The following GLI2 variants were observed in gnomAD, a reference collection of about 807,000 sequenced individuals.
GLI2 encodes GLI family zinc finger 2, also known as transcription activator GLI2.
GLI2 carries 22 observed loss-of-function variants against 78.9 expected under a neutral mutation model. The observed-to-expected ratio is 0.28, with a 90% confidence interval of 0.20 to 0.40. The LOEUF (loss-of-function observed/expected upper bound fraction) is 0.40, where lower values mean the gene tolerates loss of function less well. Ranked by LOEUF, GLI2 falls within the 10% of genes least tolerant of loss-of-function variation. GLI2 has a pLI of 1.00. For synonymous variants in GLI2, 974 were observed against 963.7 expected (o/e 1.01, Z -0.20); for missense variants, 2,097 against 2,213.2 (o/e 0.95, Z 1.05).
At chr2:120,741,885 C>CGAGTCGGGAAGCA (rs1328022722) in intron 1 of GLI2, among the ~76,000 whole-genome samples, 10 of 152,270 alleles carry the variant, frequency 6.6e-5, no homozygotes, top group African/African-American at 2.2e-4. Flanking sequence ...CTGCTCGTGG[C>CGAGTCGGGAAGCA]GAGTCGGGAA....
chr2:120,788,136 G>A (rs1390159072), intron 1 of GLI2, among the ~76,000 whole-genome samples: 1 of 152,226 alleles, frequency 6.6e-6, no homozygotes, highest in Non-Finnish European at 1.5e-5. Context: ...TGAGGCTTAG[G>A]GAGAAGTTGA....
chr2:120,736,301 CCTT>C lies in GLI2; in HGVS notation c.-31+20_-31+22del, dbSNP rs970525841. 2 of 151,990 alleles carry C rather than the reference CCTT, an allele frequency of 1.3e-5. No homozygotes were observed. Among genetic ancestry groups the C allele is most frequent in the African/African-American group, 4.8e-5 (2 of 41,380 alleles). The allele number at this position is 151,990 out of a possible 1,614,324, so 9.4% of individuals were successfully genotyped here. On this transcript the variant is annotated intron_variant, in intron 1 of 13. Coordinates refer to ENST00000361492, the MANE Select transcript of GLI2 (RefSeq NM_001374353.1). ...GTCTCTCTCGGTAAAGTTGCATTGG[CCTT>C]CTTTTGCTTGCTTTTCGTGACGAAG...
chr2:120,908,912 G>C (rs957824544), intron 2 of GLI2, among the ~76,000 whole-genome samples: 1 of 152,132 alleles, frequency 6.6e-6, no homozygotes, highest in African/African-American at 2.4e-5. Flanking sequence ...TCAGATGCAG[G>C]CTGAGAAGGC....
At chr2:120,891,903 G>A (rs984988530) in intron 2 of GLI2, among the ~76,000 whole-genome samples, 17 of 152,106 alleles carry the variant, frequency 1.1e-4, no homozygotes, top group Admixed American at 8.5e-4. Flanking sequence ...CTGGACCAGC[G>A]ACCCCTCTTT....
Position 120,986,434 on chromosome 2 carries a change from G to A in GLI2, c.2062G>A (p.Asp688Asn), listed in dbSNP as rs751513015. ...ACTGGATGACACACCCCCAGGGGCC[G>A]ACACCTCAGCCCTGGCTGCCCCCTC... The part of the protein sequence containing the change: ...TALDDTPPGA[D>N]TSALAAPSAG... Residue 688 changes from aspartate (D) to asparagine (N), a missense_variant, in exon 13 of 14, where the codon GAC (aspartate) becomes AAC (asparagine). Transcript: ENST00000361492. 21 of 1,613,760 alleles carry A rather than the reference G, an allele frequency of 1.3e-5. No individual in the cohort carries two copies. The highest frequency in any genetic ancestry group is 1.6e-4 in the Middle Eastern group (1 of 6,082).
chr2:120,807,645 T>C lies in GLI2; in HGVS notation c.148+10177T>C, dbSNP rs2104718391. Among the ~76,000 whole-genome samples, 2 of 152,240 alleles carry C rather than the reference T, an allele frequency of 1.3e-5. 1 individual carries two copies. The highest frequency in any genetic ancestry group is 4.2e-4 in the South Asian group (2 of 4,816). ...CTGAGAATGGCTGGAGAGGCTGAGC[T>C]GAGCGGGAAGCACTGGCAAATGAGG... On this transcript the variant is annotated intron_variant, in intron 2 of 13. Transcript: ENST00000361492.
chr2:120,961,190 T>C (rs1681537330), intron 5 of GLI2, among the ~76,000 whole-genome samples: 2 of 152,248 alleles, frequency 1.3e-5, no homozygotes, highest in African/African-American at 4.8e-5. Flanking sequence ...ATGCATTTTA[T>C]TGTCATATTG....
At chr2:120,845,370 A>C (rs925721366) in intron 2 of GLI2, among the ~76,000 whole-genome samples, 1 of 152,216 alleles carries the variant, frequency 6.6e-6, no homozygotes, top group Non-Finnish European at 1.5e-5. Flanking sequence ...TGGTTGTTCC[A>C]AGGGAAGACA....
At chr2:120,918,553 G>A (rs1287060971) in intron 2 of GLI2, among the ~76,000 whole-genome samples, 1 of 149,266 alleles carries the variant, frequency 6.7e-6, no homozygotes. Context: ...TTATTCTCCT[G>A]CCTCAGCCTC....
Position 120,892,623 on chromosome 2 carries a change from G to A in GLI2, c.149-34738G>A, listed in dbSNP as rs143761476. 3.4e-3 allele frequency among the ~76,000 whole-genome samples: 519 copies of A among 152,302 alleles called. 2 individuals are homozygous for A. Among genetic ancestry groups the A allele is most frequent in the African/African-American group, 0.012 (491 of 41,570 alleles). On this transcript the variant is annotated intron_variant, in intron 2 of 13. Transcript: ENST00000361492. The stretch of plus-strand genomic sequence containing the variant: ...CTGAGGGGCTTTTTCTTGCTGCTGC[G>A]CTGGTGGCAGTTCAGGGTGCCAGGA...
In GLI2 at chr2:120,797,409, A is replaced by G; in HGVS notation, c.89A>G (p.Lys30Arg). ...GCCGCTGGCTTCCCCGACCCGGGTA[A>G]AAAGGCCTCTCCTTTGGTGGTGGCT... Reference protein sequence around the residue: ...LEAAGFPDPGKKASPLVVAAA... With the variant: ...LEAAGFPDPGRKASPLVVAAA... Residue 30 changes from lysine to arginine, a missense_variant, in exon 2 of 14, where the codon AAA becomes AGA. Coordinates refer to ENST00000361492, the MANE Select transcript of GLI2 (RefSeq NM_001374353.1). The G allele has an allele frequency of 1.2e-6, 2 of 1,613,966 alleles. No individual in the cohort carries two copies. Among genetic ancestry groups the G allele is most frequent in the Non-Finnish European group, 1.7e-6 (2 of 1,179,960 alleles).
At chr2:120,782,141 A>G (rs989736627) in intron 1 of GLI2, among the ~76,000 whole-genome samples, 4 of 152,228 alleles carry the variant, frequency 2.6e-5, no homozygotes, top group African/African-American at 9.7e-5. Flanking sequence ...GCAATTTATT[A>G]AGAACTATTT....
At chr2:120,793,920 G>A (rs1225153407) in intron 1 of GLI2, among the ~76,000 whole-genome samples, 1 of 152,226 alleles carries the variant, frequency 6.6e-6, no homozygotes, top group Non-Finnish European at 1.5e-5. Context: ...CCCCATGGGG[G>A]CCTCAGCTTC....
intron 2 of GLI2, among the ~76,000 whole-genome samples, chr2:120,847,237 G>A (rs909073994): frequency 2.9e-4 from 44 of 152,078 alleles, no homozygotes; most frequent in African/African-American, 1.0e-3. Flanking sequence ...CTGAGGGCTC[G>A]TCATCCTGGG....
In GLI2 at chr2:120,873,498, C is replaced by T. The variant is rs928131264; in HGVS notation, c.149-53863C>T. Among the ~76,000 whole-genome samples, 4 of 152,182 alleles carry T rather than the reference C, an allele frequency of 2.6e-5. No homozygotes were observed. The East Asian group carries it at 5.8e-4, about 22-fold the overall frequency. ...GAAGGATGCATTCTCCTAGCTTTTCCGCCTTGGGTCTGTTGCATAGCAGCC... is the reference window on the plus strand; with the variant it reads ...GAAGGATGCATTCTCCTAGCTTTTCTGCCTTGGGTCTGTTGCATAGCAGCC... On this transcript the variant is annotated intron_variant, in intron 2 of 13. Coordinates refer to ENST00000361492, the MANE Select transcript of GLI2 (RefSeq NM_001374353.1).
rs147423397 is a variant in GLI2, at chr2:120,742,385, A to G, written c.-31+6100A>G. Reference sequence around the variant, plus strand: ...TGCTTCTTTGTGTGCTGGACAATGCAGTAAGTCAGCCAGACTTTTGAGCCA... The same window carrying G: ...TGCTTCTTTGTGTGCTGGACAATGCGGTAAGTCAGCCAGACTTTTGAGCCA... On this transcript the variant is annotated intron_variant, in intron 1 of 13. Coordinates refer to ENST00000361492, the MANE Select transcript of GLI2 (RefSeq NM_001374353.1). Among the ~76,000 whole-genome samples the G allele has an allele frequency of 1.7e-3, 260 of 152,330 alleles. 3 individuals carry two copies. Among genetic ancestry groups the G allele is most frequent in the African/African-American group, 6.1e-3 (254 of 41,578 alleles).
chr2:120,919,779 G>A lies in GLI2; in HGVS notation c.149-7582G>A, dbSNP rs76942537. On this transcript the variant is annotated intron_variant, in intron 2 of 13. Transcript: ENST00000361492. ...GTGTTTGGAACCAAAGGCCTCATGC[G>A]CCCTTCCTTGATTTCTGGTCATGGA... Among the ~76,000 whole-genome samples, 1,275 of 152,336 alleles carry A rather than the reference G, an allele frequency of 8.4e-3. 33 individuals carry two copies. The highest frequency in any genetic ancestry group is 0.038 in the Admixed American group (582 of 15,308).
At chr2:120,946,846 G>C (rs144158758) in intron 3 of GLI2, among the ~76,000 whole-genome samples, 9 of 152,340 alleles carry the variant, frequency 5.9e-5, no homozygotes, top group Non-Finnish European at 1.3e-4. Context: ...CGTGTTTCAG[G>C]GCTGCTGGGA....
chr2:120,986,652 A>G (rs1056140402), intron 13 of GLI2, 38 bp downstream of exon 13: 1 of 1,541,976 alleles, frequency 6.5e-7, no homozygotes, highest in Non-Finnish European at 9.0e-7. Context: ...GGGGCAGAAG[A>G]GAGTCTGGGG....
Sources: gnomAD v4.1 joint callset for allele counts (sites outside exome capture counted in the v4.1 genomes callset) on GRCh38, gnomAD v4.1.1 for gene constraint, MANE v1.5 for transcripts, NCBI Gene and HGNC (gene_info 2026-07-23, HGNC 2026-07-21) for gene names.